The following WDR19 variants were observed in gnomAD, a reference collection of about 807,000 sequenced individuals.
WDR19 encodes the protein WD repeat domain 19.
A neutral mutation model predicts 180.0 loss-of-function variants in WDR19; 121 were observed. The observed-to-expected ratio is 0.67, with a 90% CI of 0.58 to 0.78. The LOEUF (loss-of-function observed/expected upper bound fraction) is 0.78, where lower values mean the gene tolerates loss of function less well. Among genes scored for constraint, WDR19 ranks in the 30% least tolerant of loss-of-function variants. The pLI is 0.00. For synonymous variants in WDR19, 497 were observed against 540.7 expected, an observed-to-expected ratio of 0.92 and a Z score of 1.12; for missense variants, 1,450 against 1,640.7, an observed-to-expected ratio of 0.88 and a Z score of 2.01.
At chr4:39,209,154 T>G (rs989941424) in intron 9 of WDR19, among the ~76,000 whole-genome samples, 3 of 152,174 alleles carry the variant, frequency 2.0e-5, no homozygotes, top group African/African-American at 7.2e-5. Flanking sequence ...ATATAAAATA[T>G]GTTCTCTGAC....
In WDR19 at chr4:39,229,521, G is replaced by A. The variant is rs934008319; in HGVS notation, c.1982+831G>A. ...AACAATATCTTGACTTCATCATAGTGAGGTTTGATTTTGCTTTGCTTATAA... is the reference window on the plus strand; with the variant it reads ...AACAATATCTTGACTTCATCATAGTAAGGTTTGATTTTGCTTTGCTTATAA... On this transcript the variant is annotated intron_variant, in intron 17 of 36. Coordinates refer to ENST00000399820, the MANE Select transcript of WDR19 (RefSeq NM_025132.4). Among the ~76,000 whole-genome samples, 43 of 152,130 alleles carry A rather than the reference G, an allele frequency of 2.8e-4. 1 individual carries two copies. Among genetic ancestry groups the A allele is most frequent in the East Asian group, 1.9e-4 (1 of 5,202 alleles).
chr4:39,253,129 G>C lies in WDR19; in HGVS notation c.2730-17G>C, dbSNP rs1342106743. On this transcript the variant is annotated splice_polypyrimidine_tract_variant and intron_variant, in intron 24 of 36. Transcript: ENST00000399820. ...TGACAGTGTTAAAAAAAGTTTATCT[G>C]AGCTATTTTTTTACAGATACAAAGA... The C allele has an allele frequency of 1.9e-6, 3 of 1,558,262 alleles. No individual in the cohort carries two copies. The highest frequency in any genetic ancestry group is 2.6e-6 in the Non-Finnish European group (3 of 1,158,132).
intron 5 of WDR19, among the ~76,000 whole-genome samples, chr4:39,195,540 C>T (rs1726667827): frequency 6.6e-6 from 1 of 152,046 alleles, no homozygotes; most frequent in South Asian, 2.1e-4. Context: ...TATGTCCCTC[C>T]TTGTTTGACC....
intron 31 of WDR19, among the ~76,000 whole-genome samples, chr4:39,270,566 T>C (rs1735261950): frequency 6.6e-6 from 1 of 152,040 alleles, no homozygotes; most frequent in South Asian, 2.1e-4. Context: ...TTAGTAGATA[T>C]GGGGTTTCAC....
intron 32 of WDR19, 27 bp from the exon 33 acceptor site, chr4:39,274,781 T>C: frequency 6.2e-7 from 1 of 1,605,366 alleles, no homozygotes; most frequent in South Asian, 1.1e-5. Flanking sequence ...CACTGTGCTG[T>C]TGCTGCTCTC....
intron 28 of WDR19, among the ~76,000 whole-genome samples, chr4:39,262,108 C>G: frequency 6.6e-6 from 1 of 152,160 alleles, no homozygotes. Flanking sequence ...GATGGGGAAA[C>G]TGAGGTGCCA....
rs966857888 is a variant in WDR19, at chr4:39,285,690, G to GTCTT, written c.*222_*225dup. 7 of 152,146 alleles carry GTCTT rather than the reference G, an allele frequency of 4.6e-5. No homozygotes were observed. Among genetic ancestry groups the GTCTT allele is most frequent in the Non-Finnish European group, 8.8e-5 (6 of 68,032 alleles). 9.4% of individuals were successfully genotyped at this position (152,146 alleles called of 1,614,324 possible). On this transcript the variant is annotated 3_prime_UTR_variant, in exon 37 of 37. Coordinates refer to ENST00000399820, the MANE Select transcript of WDR19 (RefSeq NM_025132.4). ...CTTTGTATATTATTTCCTCTTCAAAGTCTTTCTTACACACTCTATCCTCTG... is the reference window on the plus strand; with the variant it reads ...CTTTGTATATTATTTCCTCTTCAAAGTCTTTCTTTCTTACACACTCTATCCTCTG...
At chr4:39,206,036 A>G in intron 9 of WDR19, 1 of 195,712 alleles carries the variant, frequency 5.1e-6, no homozygotes, top group South Asian at 1.5e-4. Context: ...ATATTTAAGG[A>G]CTCTGAAAAG....
chr4:39,220,514 CTCT>C (rs200521111), intron 14 of WDR19, among the ~76,000 whole-genome samples: 1,329 of 128,316 alleles, frequency 0.01, 20 homozygotes, highest in African/African-American at 0.035. Context: ...TTTCTTTTTT[CTCT>C]TCTTCTTCTT....
At chr4:39,278,500 A>G in intron 35 of WDR19, 39 bp from the exon 36 acceptor site, 1 of 1,511,032 alleles carries the variant, frequency 6.6e-7, no homozygotes, top group Non-Finnish European at 9.1e-7. Context: ...AAGGAATGTT[A>G]TATATTTAAT....
At chr4:39,281,445 T>C (rs1553920046) in intron 36 of WDR19, among the ~76,000 whole-genome samples, 1 of 124,226 alleles carries the variant, frequency 8.0e-6, no homozygotes, top group African/African-American at 3.4e-5. Flanking sequence ...GACGTGTTTT[T>C]CCCTTGTTTT....
chr4:39,278,598 T>C lies in WDR19; in HGVS notation c.3977T>C (p.Leu1326Pro). Residue 1326 changes from leucine (L) to proline (P), a missense_variant, in exon 36 of 37, where the codon CTG becomes CCG. Coordinates refer to ENST00000399820, the MANE Select transcript of WDR19 (RefSeq NM_025132.4). ...MCSERLNAAQ[L>P]KKISDCTQYL... ...TCAGAAAGATTAAACGCTGCTCAGC[T>C]GAAAAAGATTTCAGACTGTACCCAG... 1 of 1,613,662 alleles carries C rather than the reference T, an allele frequency of 6.2e-7. No homozygotes were observed.
chr4:39,279,247 GAC>G (rs1383750742), intron 36 of WDR19, among the ~76,000 whole-genome samples: 2 of 152,216 alleles, frequency 1.3e-5, no homozygotes, highest in African/African-American at 4.8e-5. Context: ...ATTCATCTCT[GAC>G]ACAGCATCTC....
intron 31 of WDR19, among the ~76,000 whole-genome samples, chr4:39,271,744 C>A (rs1735403473): frequency 6.6e-6 from 1 of 152,070 alleles, no homozygotes; most frequent in African/African-American, 2.4e-5. Context: ...TCTGACCTGT[C>A]CACAAGAGCA....
In WDR19 at chr4:39,205,578, C is replaced by T. The variant is rs1209975277; in HGVS notation, c.732C>T (p.Arg244=). 6.2e-7 allele frequency: 1 copy of T among 1,613,310 alleles called. No homozygotes were observed. The highest frequency in any genetic ancestry group is 8.5e-7 in the Non-Finnish European group (1 of 1,179,628). Reference sequence around the variant, plus strand: ...TTTGCTATAGGTATGGTGATGGCCGCATCATGATTGGTTTTTCATGTGGAC... The same window carrying T: ...TTTGCTATAGGTATGGTGATGGCCGTATCATGATTGGTTTTTCATGTGGAC... ...IVCYNWYGDG[R]IMIGFSCGHF... Residue 244 remains arginine (R), a synonymous_variant, in exon 9 of 37, where the codon CGC becomes CGT. Coordinates refer to ENST00000399820, the MANE Select transcript of WDR19 (RefSeq NM_025132.4).
chr4:39,281,072 TG>T (rs1736450266), intron 36 of WDR19, among the ~76,000 whole-genome samples: 1 of 152,150 alleles, frequency 6.6e-6, no homozygotes, highest in African/African-American at 2.4e-5. Context: ...AGATATATTT[TG>T]CAAATATCAC....
At position 39,215,785 on chromosome 4, in the gene WDR19, C is replaced by G. The variant is rs1729004834; in HGVS notation, c.962-56C>G. The G allele has an allele frequency of 5.4e-6, 8 of 1,471,218 alleles. No homozygotes were observed. The Admixed American group carries it at 1.7e-4, about 31-fold the overall frequency. The allele number at this position is 1,471,218 out of a possible 1,614,324, so 91.1% of individuals were successfully genotyped here. ...TAGCTTAAATGAAAATATTTGTTTG[C>G]TGCCTGCAACTATATATTGTTTTTG... On this transcript the variant is annotated intron_variant, in intron 10 of 36. Coordinates refer to ENST00000399820, the MANE Select transcript of WDR19 (RefSeq NM_025132.4).
Position 39,245,986 on chromosome 4 carries a change from A to G in WDR19, c.2729+534A>G, listed in dbSNP as rs1313689101. On this transcript the variant is annotated intron_variant, in intron 24 of 36. Transcript: ENST00000399820. ...CCTAAACATACAAAGATCTCCCACT[A>G]CTTAATACAAGAAACTCAAAGACAC... 2.0e-5 allele frequency among the ~76,000 whole-genome samples: 3 copies of G among 152,194 alleles called. No homozygotes were observed. In the East Asian group the frequency reaches 5.8e-4, roughly 29 times the overall value.
chr4:39,257,883 C>T (rs1009834127), intron 28 of WDR19, among the ~76,000 whole-genome samples: 4 of 152,002 alleles, frequency 2.6e-5, no homozygotes, highest in Non-Finnish European at 5.9e-5. Context: ...GTGTACAACT[C>T]GATTAGTTTT....
Sources: gnomAD v4.1 joint callset for allele counts (sites outside exome capture counted in the v4.1 genomes callset) on GRCh38, gnomAD v4.1.1 for gene constraint, MANE v1.5 for transcripts, NCBI Gene and HGNC (gene_info 2026-07-23, HGNC 2026-07-21) for gene names.